Variants in TXNRD3 observed in about 807,000 individuals in gnomAD.
TXNRD3 encodes the protein TXNRD3 neighbor gene protein.
A neutral mutation model predicts 78.2 loss-of-function variants in TXNRD3; 68 were observed. The observed-to-expected ratio is 0.87, with a 90% CI of 0.72 to 1.06. TXNRD3 has a LOEUF of 1.06. TXNRD3 is among the 50% of genes least tolerant of loss of function. The pLI is 0.00. For synonymous variants in TXNRD3, 296 were observed against 300.1 expected (o/e 0.99, Z 0.14); for missense variants, 751 against 809.5 (o/e 0.93, Z 0.88).
Position 126,634,527 on chromosome 3 carries a change from T to C in TXNRD3, c.713-476A>G, listed in dbSNP as rs116815957. On this transcript the variant is annotated intron_variant, in intron 6 of 15. Coordinates refer to ENST00000524230, the MANE Select transcript of TXNRD3 (RefSeq NM_052883.3). The stretch of plus-strand genomic sequence containing the variant: ...AGTGGTTTCATGACAGTGAATATCT[T>C]ACATGTCTTTACAACAAATATGGTT... Among the ~76,000 whole-genome samples the C allele has an allele frequency of 2.7e-3, 404 of 152,300 alleles. 2 individuals are homozygous for C. Among genetic ancestry groups the C allele is most frequent in the African/African-American group, 9.1e-3 (380 of 41,562 alleles).
At chr3:126,624,868 G>T (rs2107615916) in intron 10 of TXNRD3, 2 of 214,418 alleles carry the variant, frequency 9.3e-6, no homozygotes, top group East Asian at 1.1e-4. Flanking sequence ...GCAGATCTAG[G>T]ATGTGGCTGT....
At chr3:126,650,231 C>T (rs771632598) in intron 1 of TXNRD3, among the ~76,000 whole-genome samples, 13 of 152,244 alleles carry the variant, frequency 8.5e-5, no homozygotes, top group Non-Finnish European at 1.8e-4. Flanking sequence ...GCTGCCTCTA[C>T]ACTGAGCCTA....
chr3:126,637,756 A>G (rs1046832229), intron 6 of TXNRD3, among the ~76,000 whole-genome samples: 3 of 151,552 alleles, frequency 2.0e-5, no homozygotes, highest in African/African-American at 7.3e-5. Flanking sequence ...TTCTGTTGCT[A>G]TTTTTGTTTG....
Position 126,654,759 on chromosome 3 carries a change from G to C in TXNRD3, c.232C>G (p.His78Asp), listed in dbSNP as rs748146705. The C allele has an allele frequency of 7.1e-7, 1 of 1,406,178 alleles. No individual in the cohort carries two copies. The highest frequency in any genetic ancestry group is 1.5e-5 in the South Asian group (1 of 68,916). The allele number at this position is 1,406,178 out of a possible 1,614,324, so 87.1% of individuals were successfully genotyped here. A position where few individuals can be genotyped will look rare whatever the true frequency, so the allele number is the denominator to read the frequency against. Residue 78 changes from histidine (H) to aspartate (D), a missense_variant, in exon 1 of 16, where the codon CAT becomes GAT. His to Asp is a moderately conservative substitution (Grantham distance 81). Coordinates refer to ENST00000524230, the MANE Select transcript of TXNRD3 (RefSeq NM_052883.3). ...AGGGCCGCGCCTACCCGAGTACTAT[G>C]GGGACAGTAGCTCTTGCTGAAGATC...
chr3:126,607,939 C>G lies in TXNRD3; in HGVS notation c.1898G>C (p.Gly633Ala). The change falls in exon 16 of 16, where the codon GGA (glycine) becomes GCA (alanine). Residue 633 changes from glycine (G) to alanine (A), a missense_variant. Gly to Ala is a moderately conservative substitution (Grantham distance 60). Coordinates refer to ENST00000524230, the MANE Select transcript of TXNRD3 (RefSeq NM_052883.3). ...GCAGCCTTTCTGAGTGATGTCTAGT[C>G]CTGACGACTTTGTGATTTCCAAAGT... 6.6e-7 allele frequency: 1 copy of G among 1,508,510 alleles called. No homozygotes were observed. Among genetic ancestry groups the G allele is most frequent in the Non-Finnish European group, 8.9e-7 (1 of 1,126,356 alleles). 93.4% of individuals were successfully genotyped at this position (1,508,510 alleles called of 1,614,324 possible). A position where few individuals can be genotyped will look rare whatever the true frequency, so the allele number is the denominator to read the frequency against.
intron 1 of TXNRD3, among the ~76,000 whole-genome samples, chr3:126,647,988 CAT>C (rs895695655): frequency 6.6e-6 from 1 of 152,152 alleles, no homozygotes; most frequent in Non-Finnish European, 1.5e-5. Flanking sequence ...CAGACACACA[CAT>C]ACCAAAACTG....
intron 5 of TXNRD3, among the ~76,000 whole-genome samples, chr3:126,643,263 A>G (rs183525250): frequency 2.9e-4 from 44 of 152,362 alleles, no homozygotes; most frequent in Admixed American, 2.4e-3. Context: ...AGCAGGGCAG[A>G]GGCAGAGGGG....
Position 126,611,043 on chromosome 3 carries a change from G to T in TXNRD3, c.1722C>A (p.Phe574Leu). 2.7e-6 allele frequency: 4 copies of T among 1,506,096 alleles called. No individual in the cohort carries two copies. The highest frequency in any genetic ancestry group is 3.5e-6 in the Non-Finnish European group (4 of 1,130,302). The allele number at this position is 1,506,096 out of a possible 1,614,324, so 93.3% of individuals were successfully genotyped here. The change falls in exon 14 of 16, where the codon TTC (phenylalanine) becomes TTA (leucine). Residue 574 changes from phenylalanine (F) to leucine (L), a missense_variant. Transcript: ENST00000524230. ...TTCTAGTGGTATTACATACATGGTC[G>T]AATTTATTGCAGATTATCTTTGCAT... is the stretch of plus-strand genomic sequence containing the variant.
chr3:126,616,403 A>G (rs942844916), intron 12 of TXNRD3, among the ~76,000 whole-genome samples: 3 of 152,216 alleles, frequency 2.0e-5, no homozygotes, highest in Non-Finnish European at 4.4e-5. Flanking sequence ...GCCAACACAT[A>G]AGCTGGCCAG....
At chr3:126,622,298 AAGTAAG>A (rs1253440072) in intron 11 of TXNRD3, among the ~76,000 whole-genome samples, 160 bp downstream of exon 11, 3 of 152,224 alleles carry the variant, frequency 2.0e-5, no homozygotes, top group Non-Finnish European at 4.4e-5. Context: ...TGAGCTTTTT[AAGTAAG>A]AGTTACTGAT....
intron 10 of TXNRD3, chr3:126,625,288 A>G (rs1938553173): frequency 7.3e-6 from 1 of 137,404 alleles, no homozygotes; most frequent in African/African-American, 2.7e-5. Flanking sequence ...TATATCTCCT[A>G]ATGCTATCCC....
At position 126,607,062 on chromosome 3, in the gene TXNRD3, A is replaced by G. The variant is rs1480744534; in HGVS notation, c.*843T>C. The G allele has an allele frequency of 6.6e-6, 1 of 152,228 alleles. No homozygotes were observed. Among genetic ancestry groups the G allele is most frequent in the East Asian group, 1.9e-4 (1 of 5,200 alleles). 9.4% of individuals were successfully genotyped at this position (152,228 alleles called of 1,614,324 possible). The stretch of plus-strand genomic sequence containing the variant: ...CAACCACTTAATATTACCTGTATTC[A>G]TTTATGGAACTTTATCATCATTAAA... On this transcript the variant is annotated 3_prime_UTR_variant, in exon 16 of 16. Transcript: ENST00000524230.
At chr3:126,620,627 T>C (rs943590582) in intron 12 of TXNRD3, among the ~76,000 whole-genome samples, 22 of 152,200 alleles carry the variant, frequency 1.4e-4, no homozygotes, top group African/African-American at 5.3e-4. Flanking sequence ...ATATGGGCGA[T>C]TGTTTTACTA....
At chr3:126,650,374 G>A (rs1933358443) in intron 1 of TXNRD3, among the ~76,000 whole-genome samples, 1 of 147,426 alleles carries the variant, frequency 6.8e-6, no homozygotes, top group Non-Finnish European at 1.5e-5. Flanking sequence ...CAGGCACGGT[G>A]GCTCACACCT....
rs554131867 is a variant in TXNRD3 at position 126,621,692 on chromosome 3, A to C, written c.1524+50T>G. 4.4e-5 allele frequency: 61 copies of C among 1,401,288 alleles called. No homozygotes were observed. The African/African-American group carries it at 8.5e-4, about 20-fold the overall frequency. 86.8% of individuals were successfully genotyped at this position (1,401,288 alleles called of 1,614,324 possible). ...CAAGTTTTACTTGTATTAGTTTTAA[A>C]AATCATGATCTTGATCAGGACATTA... On this transcript the variant is annotated intron_variant, in intron 12 of 15. Transcript: ENST00000524230.
At chr3:126,643,482 T>C (rs949165383) in intron 5 of TXNRD3, among the ~76,000 whole-genome samples, 2 of 152,172 alleles carry the variant, frequency 1.3e-5, no homozygotes, top group African/African-American at 2.4e-5. Context: ...TAGTCAATTA[T>C]GAAACCGACA....
intron 7 of TXNRD3, among the ~76,000 whole-genome samples, chr3:126,632,273 T>C (rs1050888666): frequency 6.6e-6 from 1 of 152,136 alleles, no homozygotes; most frequent in African/African-American, 2.4e-5. Context: ...AGAAGTCACA[T>C]GAAACAGACT....
chr3:126,653,071 C>T (rs1184666548), intron 1 of TXNRD3, among the ~76,000 whole-genome samples: 2 of 152,314 alleles, frequency 1.3e-5, no homozygotes, highest in Non-Finnish European at 1.5e-5. Context: ...TCCTTGTTCT[C>T]ACTAATCTCT....
At chr3:126,652,458 G>A (rs746583760) in intron 1 of TXNRD3, among the ~76,000 whole-genome samples, 8 of 152,180 alleles carry the variant, frequency 5.3e-5, no homozygotes, top group Non-Finnish European at 1.0e-4. Flanking sequence ...AGTGAAAAAG[G>A]AAGCTAAATC....
Sources: gnomAD v4.1 joint callset for allele counts (sites outside exome capture counted in the v4.1 genomes callset) on GRCh38, gnomAD v4.1.1 for gene constraint, MANE v1.5 for transcripts, NCBI Gene and HGNC (gene_info 2026-07-23, HGNC 2026-07-21) for gene names.